PDLIM5: variants seen among roughly 807,000 people sequenced by gnomAD.
PDLIM5 encodes PDZ and LIM domain protein 5.
A neutral mutation model predicts 64.2 loss-of-function variants in PDLIM5; 34 were observed. The ratio of observed to expected loss-of-function variants is 0.53; its 90% confidence interval spans 0.40 to 0.71. The LOEUF (loss-of-function observed/expected upper bound fraction) is 0.71. Among genes scored for constraint, PDLIM5 ranks in the 30% least tolerant of loss-of-function variants. The pLI is 0.00. For synonymous variants in PDLIM5, 253 were observed against 269.1 expected, an observed-to-expected ratio of 0.94 and a Z score of 0.59; for missense variants, 683 against 733.6, an observed-to-expected ratio of 0.93 and a Z score of 0.80.
chr4:94,575,561 A>G (rs1387194124), intron 4 of PDLIM5, 55 bp from the exon 5 acceptor site: 6 of 1,200,010 alleles, frequency 5.0e-6, no homozygotes, highest in East Asian at 4.7e-5. Context: ...TCGGTGAAAT[A>G]TATTTTGCAT....
intron 3 of PDLIM5, among the ~76,000 whole-genome samples, chr4:94,541,452 A>G (rs1333159485): frequency 6.6e-6 from 1 of 152,252 alleles, no homozygotes; most frequent in Admixed American, 6.5e-5. Flanking sequence ...AAACCAAAGT[A>G]TAGAAATAAA....
At chr4:94,463,699 G>T (rs1356997836) in intron 2 of PDLIM5, among the ~76,000 whole-genome samples, 1 of 152,156 alleles carries the variant, frequency 6.6e-6, no homozygotes, top group Non-Finnish European at 1.5e-5. Context: ...GTAGACCCGT[G>T]CAGTTCAAAC....
intron 3 of PDLIM5, among the ~76,000 whole-genome samples, chr4:94,557,318 A>G (rs1733432590): frequency 6.6e-6 from 1 of 152,184 alleles, no homozygotes; most frequent in Admixed American, 6.5e-5. Context: ...GCCTTGTAGT[A>G]TAGTTTGAAG....
chr4:94,457,158 A>T, intron 2 of PDLIM5: 1 of 968,908 alleles, frequency 1.0e-6, no homozygotes, highest in Non-Finnish European at 1.2e-6. Flanking sequence ...ACGCCTAAAT[A>T]TCCTTATTAA....
At chr4:94,459,305 G>GT (rs1329543456) in intron 2 of PDLIM5, among the ~76,000 whole-genome samples, 1 of 152,054 alleles carries the variant, frequency 6.6e-6, no homozygotes, top group Non-Finnish European at 1.5e-5. Context: ...CCAATTCTCT[G>GT]TAAACACATT....
At chr4:94,604,753 AT>A (rs1444726044) in intron 7 of PDLIM5, among the ~76,000 whole-genome samples, 1 of 152,232 alleles carries the variant, frequency 6.6e-6, no homozygotes, top group Non-Finnish European at 1.5e-5. Flanking sequence ...AATATGCAAG[AT>A]GAAAAACTTC....
chr4:94,603,606 G>T (rs769477242), intron 7 of PDLIM5, among the ~76,000 whole-genome samples: 3 of 151,968 alleles, frequency 2.0e-5, no homozygotes, highest in Non-Finnish European at 4.4e-5. Context: ...CAGCAGTATG[G>T]CTCCAAGAGA....
chr4:94,459,378 T>G (rs1255635982), intron 2 of PDLIM5, among the ~76,000 whole-genome samples: 1 of 152,214 alleles, frequency 6.6e-6, no homozygotes, highest in Non-Finnish European at 1.5e-5. Context: ...TAACAATGAC[T>G]TTGATTCTCA....
intron 2 of PDLIM5, among the ~76,000 whole-genome samples, chr4:94,467,435 T>C (rs1482707913): frequency 3.3e-5 from 5 of 151,402 alleles, no homozygotes; most frequent in African/African-American, 1.2e-4. Context: ...TGCCTCAGCC[T>C]CCTGAGTAGC....
intron 3 of PDLIM5, among the ~76,000 whole-genome samples, chr4:94,529,618 G>A (rs1399099797): frequency 1.3e-5 from 2 of 151,868 alleles, no homozygotes; most frequent in Admixed American, 1.3e-4. Context: ...TAATTTGGGG[G>A]CATATAATAA....
chr4:94,452,474 G>A (rs1722944142), intron 1 of PDLIM5, among the ~76,000 whole-genome samples: 1 of 152,206 alleles, frequency 6.6e-6, no homozygotes, highest in Non-Finnish European at 1.5e-5. Flanking sequence ...GTTTTTCTTT[G>A]CTCCCAGGCT....
intron 10 of PDLIM5, chr4:94,656,783 C>G (rs1157496333): frequency 2.6e-5 from 4 of 151,470 alleles, no homozygotes; most frequent in African/African-American, 9.7e-5. Flanking sequence ...TACAGGCACC[C>G]ACCACCACGC....
intron 7 of PDLIM5, chr4:94,588,113 G>A (rs1025056510): frequency 1.1e-6 from 1 of 940,200 alleles, no homozygotes; most frequent in Non-Finnish European, 1.3e-6. Context: ...TTGTAATAAA[G>A]TTGCCTTTAA....
At chr4:94,456,805 T>G (rs891826843) in intron 2 of PDLIM5, 221 of 1,162,180 alleles carry the variant, frequency 1.9e-4, no homozygotes, top group Non-Finnish European at 2.3e-4. Context: ...TTTGTGCCAG[T>G]CTTACCAACA....
rs551725724 is a variant in PDLIM5 at position 94,666,059 on chromosome 4, A to G, written c.*1992A>G. The G allele has an allele frequency of 4.6e-6, 7 of 1,527,218 alleles. No individual in the cohort carries two copies. In the African/African-American group the frequency reaches 8.2e-5, roughly 18 times the overall value. 94.6% of individuals were successfully genotyped at this position (1,527,218 alleles called of 1,614,324 possible). ...AAGTCCATGAACCTCCTAAGTTATA[A>G]TTTAAATTTGTTTGGGGCAAGGTGA... On this transcript the variant is annotated 3_prime_UTR_variant, in exon 13 of 13. Coordinates refer to ENST00000317968, the MANE Select transcript of PDLIM5 (RefSeq NM_006457.5).
rs769232604 is a variant in PDLIM5 at position 94,484,566 on chromosome 4, T to A, written c.96+29182T>A. ...TTCTTATTTGTATCTCATGTCACTC[T>A]GCAAGGAATTATCATTCTCATTTTA... On this transcript the variant is annotated intron_variant, in intron 2 of 12. Transcript: ENST00000317968. Among the ~76,000 whole-genome samples, 80 of 152,326 alleles carry A rather than the reference T, an allele frequency of 5.3e-4. 1 individual carries two copies. The highest frequency in any genetic ancestry group is 9.1e-4 in the Non-Finnish European group (62 of 68,028).
At chr4:94,643,346 A>G (rs893423260) in intron 9 of PDLIM5, among the ~76,000 whole-genome samples, 2 of 152,178 alleles carry the variant, frequency 1.3e-5, no homozygotes, top group Non-Finnish European at 2.9e-5. Flanking sequence ...TTGCTATGGG[A>G]CATTTTCAGT....
At chr4:94,650,826 C>G (rs538124576) in intron 9 of PDLIM5, among the ~76,000 whole-genome samples, 5 of 151,908 alleles carry the variant, frequency 3.3e-5, no homozygotes, top group Middle Eastern at 3.4e-3. Context: ...ACATGCCCCG[C>G]CTTTTTGGAT....
At chr4:94,502,019 ACTT>A (rs1727970951) in intron 2 of PDLIM5, among the ~76,000 whole-genome samples, 1 of 152,094 alleles carries the variant, frequency 6.6e-6, no homozygotes, top group Admixed American at 6.5e-5. Flanking sequence ...CTTTTCTGCT[ACTT>A]TTCTCTCTTC....
Sources: gnomAD v4.1 joint callset for allele counts (sites outside exome capture counted in the v4.1 genomes callset) on GRCh38, gnomAD v4.1.1 for gene constraint, MANE v1.5 for transcripts, NCBI Gene and HGNC (gene_info 2026-07-23, HGNC 2026-07-21) for gene names.